GNAO1: variants seen among roughly 807,000 people sequenced by gnomAD.
The protein encoded by GNAO1 is G protein subunit alpha o1.
For missense variants in GNAO1, 166 were observed against 478.7 expected (o/e 0.35, Z 6.10); for synonymous variants, 164 against 180.7 (o/e 0.91, Z 0.74).
intron 3 of GNAO1, among the ~76,000 whole-genome samples, chr16:56,312,288 G>A (rs1239391469): frequency 6.6e-6 from 1 of 152,214 alleles, no homozygotes; most frequent in Non-Finnish European, 1.5e-5. Context: ...CTGATCTTCG[G>A]TTTGTCTGAG....
chr16:56,227,131 C>T (rs1171711908), intron 2 of GNAO1, among the ~76,000 whole-genome samples: 4 of 151,956 alleles, frequency 2.6e-5, no homozygotes, highest in Non-Finnish European at 4.4e-5. Context: ...TTGGCCCATG[C>T]AGTTTTTTTG....
intron 3 of GNAO1, among the ~76,000 whole-genome samples, chr16:56,319,703 C>G (rs759878990): frequency 6.6e-6 from 1 of 152,116 alleles, no homozygotes; most frequent in African/African-American, 2.4e-5. Context: ...AATGCCAGTT[C>G]CGGAGCATCA....
intron 3 of GNAO1, among the ~76,000 whole-genome samples, chr16:56,283,641 G>A (rs1285731256): frequency 6.6e-6 from 1 of 152,206 alleles, no homozygotes; most frequent in East Asian, 1.9e-4. Context: ...TCTGGCCTGT[G>A]TCTCCCTGAG....
intron 3 of GNAO1, 135 bp from the exon 4 acceptor site, chr16:56,328,496 G>A (rs926104869): frequency 3.5e-6 from 3 of 848,870 alleles, no homozygotes; most frequent in African/African-American, 3.4e-5. Context: ...CCTGGAGCAG[G>A]CTGTGGGCTG....
rs1299925274 is a variant in GNAO1 at position 56,343,660 on chromosome 16, G to A, written c.723+6800G>A. ...GTTTTCCCTGTGCAGTTGTCTCTGA[G>A]AGGCCCAAGGCCGGATGGCCACACA... On this transcript the variant is annotated intron_variant, in intron 6 of 8. Coordinates refer to ENST00000262493, the MANE Select transcript of GNAO1 (RefSeq NM_020988.3). The A allele has an allele frequency of 1.1e-5, 9 of 855,240 alleles. No individual in the cohort carries two copies. The African/African-American group carries it at 1.5e-4, about 14-fold the overall frequency. The allele number at this position is 855,240 out of a possible 1,614,324, so 53.0% of individuals were successfully genotyped here. A position where few individuals can be genotyped will look rare whatever the true frequency, so the allele number is the denominator to read the frequency against.
intron 3 of GNAO1, among the ~76,000 whole-genome samples, chr16:56,313,305 TTATG>T (rs141636396): frequency 0.02 from 3,018 of 152,244 alleles, 111 homozygotes; most frequent in African/African-American, 0.069. Context: ...AGCATTTTGT[TTATG>T]TAGGTTATAT....
At chr16:56,213,864 T>C (rs2036415254) in intron 2 of GNAO1, among the ~76,000 whole-genome samples, 1 of 152,072 alleles carries the variant, frequency 6.6e-6, no homozygotes, top group Non-Finnish European at 1.5e-5. Context: ...GGTGCCCTCA[T>C]GGAGTCAGTA....
Position 56,327,863 on chromosome 16 carries a change from A to G in GNAO1, c.304-768A>G, listed in dbSNP as rs565280466. On this transcript the variant is annotated intron_variant, in intron 3 of 8. Coordinates refer to ENST00000262493, the MANE Select transcript of GNAO1 (RefSeq NM_020988.3). ...TCATTACCTGTCCTTTCCCATTTCC[A>G]TGTTTCACCTGACCTAGGAGCTTCC... Among the ~76,000 whole-genome samples, 3 of 152,252 alleles carry G rather than the reference A, an allele frequency of 2.0e-5. No homozygotes were observed. In the East Asian group the frequency reaches 5.8e-4, roughly 29 times the overall value.
At chr16:56,323,189 G>A (rs1310161269) in intron 3 of GNAO1, among the ~76,000 whole-genome samples, 1 of 152,236 alleles carries the variant, frequency 6.6e-6, no homozygotes, top group African/African-American at 2.4e-5. Flanking sequence ...GTTGGAGGAT[G>A]TCAGGACAGA....
At chr16:56,274,606 C>T (rs2037045801) in intron 2 of GNAO1, among the ~76,000 whole-genome samples, 1 of 152,202 alleles carries the variant, frequency 6.6e-6, no homozygotes, top group South Asian at 2.1e-4. Flanking sequence ...GCTACTGATA[C>T]ATGCTACAAC....
intron 3 of GNAO1, among the ~76,000 whole-genome samples, chr16:56,318,542 A>G (rs2037537797): frequency 6.6e-6 from 1 of 152,154 alleles, no homozygotes; most frequent in Admixed American, 6.5e-5. Flanking sequence ...GGGTGGGGCC[A>G]GATGGAGGTT....
intron 2 of GNAO1, among the ~76,000 whole-genome samples, chr16:56,259,239 T>A (rs2036881114): frequency 6.6e-6 from 1 of 152,204 alleles, no homozygotes; most frequent in Non-Finnish European, 1.5e-5. Flanking sequence ...TCACATGCTG[T>A]GTGAATGCCG....
intron 2 of GNAO1, among the ~76,000 whole-genome samples, chr16:56,250,217 G>A (rs551999802): frequency 6.6e-6 from 1 of 152,180 alleles, no homozygotes; most frequent in Non-Finnish European, 1.5e-5. Context: ...AGTGTGGCAT[G>A]GAATGAAGGC....
intron 6 of GNAO1, chr16:56,346,524 G>A (rs2037872245): frequency 1.0e-6 from 1 of 985,310 alleles, no homozygotes; most frequent in South Asian, 4.7e-5. Context: ...TAAGAACCAG[G>A]TCTTGGCCTT....
At chr16:56,283,856 G>T (rs1450491284) in intron 3 of GNAO1, among the ~76,000 whole-genome samples, 1 of 152,104 alleles carries the variant, frequency 6.6e-6, no homozygotes, top group African/African-American at 2.4e-5. Context: ...GGTGAATAGA[G>T]CTTGAAACTG....
At chr16:56,235,072 C>T (rs1250065138) in intron 2 of GNAO1, 1 of 330,726 alleles carries the variant, frequency 3.0e-6, no homozygotes, top group South Asian at 2.5e-5. Flanking sequence ...GACACCTATT[C>T]GCTGACCAGA....
At chr16:56,213,144 A>G in intron 2 of GNAO1, 1 of 393,484 alleles carries the variant, frequency 2.5e-6, no homozygotes, top group Non-Finnish European at 4.5e-6. Context: ...TCCAGGGAAG[A>G]GGGAATGTGA....
chr16:56,312,274 C>T (rs1484214464), intron 3 of GNAO1, among the ~76,000 whole-genome samples: 1 of 152,210 alleles, frequency 6.6e-6, no homozygotes, highest in Admixed American at 6.5e-5. Flanking sequence ...GTCTCATAAC[C>T]CATCTGATCT....
intron 2 of GNAO1, among the ~76,000 whole-genome samples, chr16:56,206,656 A>T (rs1218709229): frequency 6.6e-6 from 1 of 152,208 alleles, no homozygotes; most frequent in African/African-American, 2.4e-5. Flanking sequence ...CTGTATACCT[A>T]AAAAGGGTGA....
Sources: allele counts gnomAD v4.1 joint callset (sites outside exome capture counted in the v4.1 genomes callset), GRCh38; gene constraint gnomAD v4.1.1; transcripts MANE v1.5; gene names NCBI Gene and HGNC (gene_info 2026-07-23, HGNC 2026-07-21).